The following ANKRD55 variants were observed in gnomAD, a reference collection of about 807,000 sequenced individuals.
ANKRD55 encodes the protein ankyrin repeat domain-containing protein 55.
A neutral mutation model predicts 60.6 loss-of-function variants in ANKRD55; 41 were observed. The observed-to-expected ratio is 0.68, with a 90% confidence interval of 0.53 to 0.88. The LOEUF (loss-of-function observed/expected upper bound fraction) is 0.88. ANKRD55 is among the 40% of genes least tolerant of loss of function. The probability of loss-of-function intolerance (pLI) is 0.00; values close to 1 mark genes in which losing one functional copy is unlikely to be tolerated. For synonymous variants in ANKRD55, 264 were observed against 290.3 expected (o/e 0.91, Z 0.92); for missense variants, 732 against 767.6 (o/e 0.95, Z 0.55).
intron 2 of ANKRD55, among the ~76,000 whole-genome samples, chr5:56,226,709 T>A (rs988830242): frequency 1.3e-5 from 2 of 152,172 alleles, no homozygotes; most frequent in Non-Finnish European, 2.9e-5. Context: ...AAAGAAGACA[T>A]TTATGCAGCC....
intron 4 of ANKRD55, among the ~76,000 whole-genome samples, chr5:56,173,574 C>CTATA (rs1273889433): frequency 1.7e-3 from 165 of 98,254 alleles, no homozygotes; most frequent in Non-Finnish European, 2.2e-3. Context: ...CTCTCTCTCT[C>CTATA]TCTCTCTCTA....
rs202182721 is a variant in ANKRD55 at position 56,143,891 on chromosome 5, C to G, written c.522G>C (p.Gln174His). The G allele has an allele frequency of 6.2e-7, 1 of 1,614,130 alleles. No homozygotes were observed. Among genetic ancestry groups the G allele is most frequent in the South Asian group, 1.1e-5 (1 of 91,084 alleles). Residue 174 changes from glutamine (Q) to histidine (H), a missense_variant, in exon 7 of 12, where the codon CAG becomes CAC. Gln to His is a conservative substitution (Grantham distance 24). Coordinates refer to ENST00000341048, the MANE Select transcript of ANKRD55 (RefSeq NM_024669.3). ...TPLHWAAFHNQPQHTQMLLKK... is the reference protein window; with the variant it reads ...TPLHWAAFHNHPQHTQMLLKK... ...TCAGCAGCATTTGTGTGTGTTGAGG[C>G]TGGTTGTGGAAAGCCGCCCAGTGGA...
intron 2 of ANKRD55, among the ~76,000 whole-genome samples, chr5:56,186,675 G>A (rs1758982840): frequency 6.6e-6 from 1 of 152,202 alleles, no homozygotes; most frequent in African/African-American, 2.4e-5. Context: ...TCTGGGACAT[G>A]TAGAGAAAAT....
chr5:56,193,439 C>A, intron 2 of ANKRD55: 1 of 541,132 alleles, frequency 1.8e-6, no homozygotes. Flanking sequence ...GTAGAGGGTC[C>A]TGGTTGCTGT....
intron 6 of ANKRD55, among the ~76,000 whole-genome samples, chr5:56,151,575 G>A (rs149063533): frequency 2.0e-5 from 3 of 152,090 alleles, no homozygotes; most frequent in African/African-American, 7.2e-5. Flanking sequence ...CACTTTGGGA[G>A]GCCGAGGCAG....
intron 8 of ANKRD55, among the ~76,000 whole-genome samples, chr5:56,124,311 T>C (rs933221944): frequency 1.3e-5 from 2 of 152,172 alleles, no homozygotes; most frequent in African/African-American, 2.4e-5. Context: ...TTTTACTATC[T>C]GGGAGGCCTA....
At chr5:56,121,859 G>C (rs1438110674) in intron 8 of ANKRD55, among the ~76,000 whole-genome samples, 1 of 152,052 alleles carries the variant, frequency 6.6e-6, no homozygotes, top group African/African-American at 2.4e-5. Flanking sequence ...ATTAGACCCT[G>C]AATTTTTTTA....
In ANKRD55 at chr5:56,199,035, G is replaced by C. The variant is rs1368362055; in HGVS notation, c.59-15401C>G. 2.6e-5 allele frequency among the ~76,000 whole-genome samples: 4 copies of C among 151,984 alleles called. No individual in the cohort carries two copies. The East Asian group carries it at 7.7e-4, about 29-fold the overall frequency. On this transcript the variant is annotated intron_variant, in intron 2 of 11. Coordinates refer to ENST00000341048, the MANE Select transcript of ANKRD55 (RefSeq NM_024669.3). ...GCAGAGCTTGCAGTGAGCCGAGATC[G>C]CGCCACTGCACTCCAGCCTGGACGA... is the stretch of plus-strand genomic sequence containing the variant.
In ANKRD55 at chr5:56,213,522, A is replaced by T. The variant is rs971580670; in HGVS notation, c.58+19334T>A. ...GTAAGAATATCCAATAAAATTGAAA[A>T]AAAAAACAATATTGAGGGAGATTTC... On this transcript the variant is annotated intron_variant, in intron 2 of 11. Coordinates refer to ENST00000341048, the MANE Select transcript of ANKRD55 (RefSeq NM_024669.3). Among the ~76,000 whole-genome samples, 8 of 152,286 alleles carry T rather than the reference A, an allele frequency of 5.3e-5. No individual in the cohort carries two copies. In the East Asian group the frequency reaches 1.5e-3, roughly 29 times the overall value.
At chr5:56,154,878 G>C (rs1012070050) in intron 6 of ANKRD55, among the ~76,000 whole-genome samples, 5 of 152,072 alleles carry the variant, frequency 3.3e-5, no homozygotes, top group African/African-American at 4.8e-5. Context: ...CGTGAGCCGT[G>C]GAGCCGGGCC....
In ANKRD55 at chr5:56,136,643, G is replaced by A. The variant is rs140967684; in HGVS notation, c.612+7158C>T. ...TAAATGTAAAACCTAAAATTAGGCC[G>A]GGCAAGGCGGCTCGTACCTGTAATC... is the stretch of plus-strand genomic sequence containing the variant. On this transcript the variant is annotated intron_variant, in intron 7 of 11. Transcript: ENST00000341048. 1.3e-3 allele frequency among the ~76,000 whole-genome samples: 202 copies of A among 152,152 alleles called. 5 individuals carry two copies. The highest frequency in any genetic ancestry group is 7.2e-3 in the Admixed American group (110 of 15,252).
chr5:56,227,617 C>CTTTTTTTT (rs10567262), intron 2 of ANKRD55, among the ~76,000 whole-genome samples: 1 of 147,916 alleles, frequency 6.8e-6, no homozygotes, highest in Non-Finnish European at 1.5e-5. Context: ...CCATTGATGT[C>CTTTTTTTT]TTTTTTTTTT....
intron 2 of ANKRD55, among the ~76,000 whole-genome samples, chr5:56,205,968 T>G (rs1759495688): frequency 7.0e-6 from 1 of 143,280 alleles, no homozygotes; most frequent in South Asian, 2.1e-4. Flanking sequence ...TTTTTCTTTC[T>G]TTCTTGTTTT....
intron 7 of ANKRD55, among the ~76,000 whole-genome samples, chr5:56,135,286 G>A (rs868198851): frequency 8.2e-5 from 4 of 48,684 alleles, no homozygotes; most frequent in Non-Finnish European, 1.5e-4. Flanking sequence ...CTCCCTGCCT[G>A]CCTGCTTGCT....
intron 6 of ANKRD55, among the ~76,000 whole-genome samples, chr5:56,148,879 G>A (rs889583988): frequency 1.3e-5 from 2 of 152,102 alleles, no homozygotes; most frequent in Admixed American, 6.6e-5. Context: ...TATAGCAGGT[G>A]TCTGCTGGCT....
At chr5:56,188,423 A>T (rs1759023829) in intron 2 of ANKRD55, among the ~76,000 whole-genome samples, 1 of 151,612 alleles carries the variant, frequency 6.6e-6, no homozygotes. Context: ...CTCCCGAAGC[A>T]TTTCCCCAAT....
intron 2 of ANKRD55, among the ~76,000 whole-genome samples, chr5:56,186,384 T>C (rs1424359223): frequency 6.6e-6 from 1 of 152,142 alleles, no homozygotes; most frequent in Non-Finnish European, 1.5e-5. Flanking sequence ...CCCAGGCTGG[T>C]CTCTAATGAT....
At chr5:56,125,268 A>ACTTTTTT (rs904255875) in intron 8 of ANKRD55, among the ~76,000 whole-genome samples, 2 of 149,984 alleles carry the variant, frequency 1.3e-5, no homozygotes, top group African/African-American at 4.9e-5. Flanking sequence ...GAAAACACTT[A>ACTTTTTT]CTTTTTTCTT....
At chr5:56,193,274 C>A in intron 2 of ANKRD55, 1 of 1,091,902 alleles carries the variant, frequency 9.2e-7, no homozygotes, top group Non-Finnish European at 1.3e-6. Context: ...AGACTTAGCA[C>A]TGGGGAGATG....
Sources: allele counts gnomAD v4.1 joint callset (sites outside exome capture counted in the v4.1 genomes callset), GRCh38; gene constraint gnomAD v4.1.1; transcripts MANE v1.5; gene names NCBI Gene and HGNC (gene_info 2026-07-23, HGNC 2026-07-21).